XKR5: variants seen among roughly 807,000 people sequenced by gnomAD.
XKR5 encodes the protein XK related 5.
A neutral mutation model predicts 40.8 loss-of-function variants in XKR5; 46 were observed. The observed-to-expected ratio is 1.13, with a 90% CI of 0.89 to 1.44. The LOEUF is 1.44. Among genes scored for constraint, XKR5 ranks in the 40% most tolerant of loss-of-function variants. The pLI, the probability that XKR5 is intolerant of heterozygous loss-of-function variation, is 0.00. For synonymous variants in XKR5, 466 were observed against 356.1 expected (o/e 1.31, Z -3.48); for missense variants, 1,169 against 844.7 (o/e 1.38, Z -4.76).
rs950642200 is a variant in XKR5 at position 6,809,942 on chromosome 8, C to T, written c.*1256G>A. The T allele has an allele frequency of 3.9e-5, 6 of 152,198 alleles. No homozygotes were observed. Among genetic ancestry groups the T allele is most frequent in the Non-Finnish European group, 7.3e-5 (5 of 68,096 alleles). The allele number at this position is 152,198 out of a possible 1,614,324, so 9.4% of individuals were successfully genotyped here. Reference sequence around the variant, plus strand: ...CCTGAGCCACCTGGCAAGAACCTGTCTCTACAAAAAATACAAAAAAGTAGC... The same window carrying T: ...CCTGAGCCACCTGGCAAGAACCTGTTTCTACAAAAAATACAAAAAAGTAGC... On this transcript the variant is annotated 3_prime_UTR_variant, in exon 7 of 7. Transcript: ENST00000618742.
chr8:6,835,420 G>T lies in XKR5; in HGVS notation c.58+16C>A, dbSNP rs560240077. 7.4e-5 allele frequency: 109 copies of T among 1,469,950 alleles called. No individual in the cohort carries two copies. Among genetic ancestry groups the T allele is most frequent in the Middle Eastern group, 2.4e-4 (1 of 4,190 alleles). The allele number at this position is 1,469,950 out of a possible 1,614,324, so 91.1% of individuals were successfully genotyped here. A position where few individuals can be genotyped will look rare whatever the true frequency, so the allele number is the denominator to read the frequency against. On this transcript the variant is annotated intron_variant, in intron 1 of 6. Transcript: ENST00000618742. ...GGGCTGCAGGGGTGAGCACAGCCTC[G>T]GGCTGCCGCACTCACGCGCGCTCTG... is the stretch of plus-strand genomic sequence containing the variant.
chr8:6,830,567 C>T (rs1225458895), intron 2 of XKR5, among the ~76,000 whole-genome samples: 1 of 152,238 alleles, frequency 6.6e-6, no homozygotes, highest in Non-Finnish European at 1.5e-5. Context: ...GCTGTGCATT[C>T]TGGCTCTATC....
At chr8:6,813,365 C>G (rs1399809897) in intron 6 of XKR5, among the ~76,000 whole-genome samples, 1 of 152,184 alleles carries the variant, frequency 6.6e-6, no homozygotes. Context: ...AGCAGCCACC[C>G]AAGGCCAGGA....
intron 2 of XKR5, among the ~76,000 whole-genome samples, chr8:6,827,384 G>C: frequency 6.6e-6 from 1 of 152,172 alleles, no homozygotes. Flanking sequence ...TCCCTGTAGA[G>C]ACCCCTAAGG....
chr8:6,817,512 G>A (rs1393573699), intron 5 of XKR5, among the ~76,000 whole-genome samples: 3 of 151,820 alleles, frequency 2.0e-5, no homozygotes, highest in Non-Finnish European at 4.4e-5. Flanking sequence ...TCCCCACACC[G>A]AGAGACTTGA....
At chr8:6,820,070 G>C (rs1412601828) in intron 5 of XKR5, among the ~76,000 whole-genome samples, 1 of 152,232 alleles carries the variant, frequency 6.6e-6, no homozygotes, top group Non-Finnish European at 1.5e-5. Context: ...CAAAAACTGG[G>C]TGTGGGGGCA....
intron 1 of XKR5, among the ~76,000 whole-genome samples, chr8:6,833,558 T>C (rs935222720): frequency 5.3e-5 from 8 of 152,046 alleles, no homozygotes; most frequent in African/African-American, 1.9e-4. Flanking sequence ...CTACTAAAAA[T>C]ACAAAAATGA....
intron 5 of XKR5, among the ~76,000 whole-genome samples, chr8:6,821,646 T>C (rs1039498169): frequency 3.9e-5 from 6 of 152,186 alleles, no homozygotes; most frequent in Non-Finnish European, 7.3e-5. Flanking sequence ...TGTTGCCACA[T>C]TGAATGCAGG....
chr8:6,815,361 T>C (rs975757313), intron 6 of XKR5, among the ~76,000 whole-genome samples: 4 of 152,140 alleles, frequency 2.6e-5, no homozygotes, highest in East Asian at 1.9e-4. Context: ...TTACAAACCA[T>C]TGGATCTTTC....
chr8:6,828,505 T>C (rs759218976), intron 2 of XKR5, among the ~76,000 whole-genome samples: 1 of 152,140 alleles, frequency 6.6e-6, no homozygotes, highest in Non-Finnish European at 1.5e-5. Context: ...CTCGAACCCA[T>C]TGCAGAGGGA....
At chr8:6,834,571 T>G (rs1804920472) in intron 1 of XKR5, among the ~76,000 whole-genome samples, 1 of 152,192 alleles carries the variant, frequency 6.6e-6, no homozygotes, top group Non-Finnish European at 1.5e-5. Context: ...TTGCGCGTCC[T>G]CCGTGTGCGT....
At chr8:6,827,331 C>T (rs1804540517) in intron 2 of XKR5, among the ~76,000 whole-genome samples, 1 of 152,148 alleles carries the variant, frequency 6.6e-6, no homozygotes, top group Non-Finnish European at 1.5e-5. Flanking sequence ...TTTAGCAACT[C>T]CTGAAGCCAA....
chr8:6,833,729 A>G (rs1217322992), intron 1 of XKR5, among the ~76,000 whole-genome samples: 1 of 151,736 alleles, frequency 6.6e-6, no homozygotes, highest in Non-Finnish European at 1.5e-5. Flanking sequence ...AACAAAACAA[A>G]ACAGTAACCA....
intron 5 of XKR5, among the ~76,000 whole-genome samples, chr8:6,818,141 C>T (rs1334010421): frequency 1.3e-5 from 2 of 152,220 alleles, no homozygotes; most frequent in African/African-American, 4.8e-5. Flanking sequence ...TTTTAACTAG[C>T]GCAGGGCTTT....
At chr8:6,823,876 C>T in intron 3 of XKR5, 146 bp from the exon 4 acceptor site, 1 of 677,954 alleles carries the variant, frequency 1.5e-6, no homozygotes, top group South Asian at 1.8e-5. Flanking sequence ...TAACCCACCA[C>T]TTTGACCAGT....
chr8:6,834,020 G>A (rs909469003), intron 1 of XKR5, among the ~76,000 whole-genome samples: 1 of 152,166 alleles, frequency 6.6e-6, no homozygotes, highest in African/African-American at 2.4e-5. Context: ...CTACGAAACC[G>A]TTAGTCCCTG....
rs564213333 is a variant in XKR5 at position 6,826,459 on chromosome 8, G to A, written c.243-1110C>T. On this transcript the variant is annotated intron_variant, in intron 2 of 6. Coordinates refer to ENST00000618742, the MANE Select transcript of XKR5 (RefSeq NM_207411.5). ...GAGTCCTAGGAATGGAAAGTAGGGA[G>A]CAGGTGCAGGAAATAGTGGAGTTGG... Among the ~76,000 whole-genome samples, 12 of 152,250 alleles carry A rather than the reference G, an allele frequency of 7.9e-5. No homozygotes were observed. The South Asian group carries it at 2.3e-3, about 29-fold the overall frequency.
chr8:6,823,773 G>A (rs372927067), intron 3 of XKR5, 43 bp from the exon 4 acceptor site: 127 of 1,467,906 alleles, frequency 8.7e-5, no homozygotes, highest in East Asian at 1.2e-4. Flanking sequence ...TGAAGATTCC[G>A]AAGTAACAGT....
intron 1 of XKR5, among the ~76,000 whole-genome samples, chr8:6,833,217 AC>A (rs1213498956): frequency 6.6e-6 from 1 of 152,162 alleles, no homozygotes; most frequent in Non-Finnish European, 1.5e-5. Flanking sequence ...ACTAGGGACC[AC>A]CCTTATACCC....
Sources: allele counts gnomAD v4.1 joint callset (sites outside exome capture counted in the v4.1 genomes callset), GRCh38; gene constraint gnomAD v4.1.1; transcripts MANE v1.5; gene names NCBI Gene and HGNC (gene_info 2026-07-23, HGNC 2026-07-21).